Variants in LRP5 observed in about 807,000 individuals in gnomAD.
LRP5 encodes LDL receptor related protein 5, also known as low-density lipoprotein receptor-related protein 5.
In LRP5, 62 loss-of-function variants were observed where a neutral mutation model predicts 154.1. The observed-to-expected ratio is 0.40, with a 90% CI of 0.33 to 0.50. LRP5 has a LOEUF of 0.50. LRP5 is among the 20% of genes least tolerant of loss of function. LRP5 has a pLI of 0.55. For synonymous variants in LRP5, 966 were observed against 1,011.5 expected (o/e 0.96, Z 0.85); for missense variants, 1,915 against 2,336.7 (o/e 0.82, Z 3.72).
At chr11:68,427,428 C>G (rs545876765) in intron 16 of LRP5, among the ~76,000 whole-genome samples, 1 of 152,230 alleles carries the variant, frequency 6.6e-6, no homozygotes, top group African/African-American at 2.4e-5. Context: ...GCCTATAATC[C>G]CAGCACTTTG....
chr11:68,301,191 C>T, the LRP5 span, among the ~76,000 whole-genome samples: 1 of 149,480 alleles, frequency 6.7e-6, no homozygotes, highest in African/African-American at 2.4e-5. Context: ...CTTGGCCTCC[C>T]AAAATGTTGA....
At chr11:68,339,645 C>T (rs2098607771) in intron 1 of LRP5, among the ~76,000 whole-genome samples, 1 of 152,142 alleles carries the variant, frequency 6.6e-6, no homozygotes. Context: ...CATACCTGGC[C>T]ATAATATTCG....
intron 19 of LRP5, 28 bp downstream of exon 19, chr11:68,437,027 G>A: frequency 6.3e-7 from 1 of 1,592,730 alleles, no homozygotes; most frequent in South Asian, 1.1e-5. Context: ...ACGGGGAAGG[G>A]GCGTCCGGGC....
intron 1 of LRP5, among the ~76,000 whole-genome samples, chr11:68,327,658 C>A (rs546040247): frequency 6.6e-6 from 1 of 152,300 alleles, no homozygotes; most frequent in South Asian, 2.1e-4. Flanking sequence ...CCTATGAGGA[C>A]TGAGTGAAGT....
At chr11:68,309,020 G>A (rs1331600293), upstream of LRP5, among the ~76,000 whole-genome samples, 10 of 138,514 alleles carry the variant, frequency 7.2e-5, no homozygotes, top group Middle Eastern at 4.0e-3. Flanking sequence ...TGCAAGCTCC[G>A]CCTCCCAGGT....
intron 1 of LRP5, 83 bp from the exon 2 acceptor site, chr11:68,347,764 G>C: frequency 6.6e-7 from 1 of 1,510,210 alleles, no homozygotes; most frequent in Non-Finnish European, 9.1e-7. Flanking sequence ...TACCAGGAGT[G>C]CTCTGGGCAT....
At chr11:68,374,885 A>G (rs1283395415) in intron 5 of LRP5, among the ~76,000 whole-genome samples, 2 of 152,184 alleles carry the variant, frequency 1.3e-5, no homozygotes, top group Non-Finnish European at 2.9e-5. Flanking sequence ...CACAGGGGGA[A>G]TGGCATCTCT....
At chr11:68,303,782 C>G in the LRP5 span, among the ~76,000 whole-genome samples, 2 of 152,190 alleles carry the variant, frequency 1.3e-5, no homozygotes, top group South Asian at 2.1e-4. Flanking sequence ...TGTGAGCCAC[C>G]AAGCGTGGCC....
At chr11:68,374,751 A>G (rs942627705) in intron 5 of LRP5, among the ~76,000 whole-genome samples, 1 of 152,076 alleles carries the variant, frequency 6.6e-6, no homozygotes, top group African/African-American at 2.4e-5. Flanking sequence ...CCAGAACTAC[A>G]TGGAAATGGA....
chr11:68,357,549 A>G, intron 2 of LRP5, 101 bp from the exon 3 acceptor site: 1 of 1,112,902 alleles, frequency 9.0e-7, no homozygotes. Flanking sequence ...GTGAGATTTT[A>G]GGGCAAGTTC....
intron 8 of LRP5, among the ~76,000 whole-genome samples, chr11:68,404,814 C>G (rs562115045): frequency 2.6e-5 from 4 of 151,812 alleles, no homozygotes; most frequent in Non-Finnish European, 4.4e-5. Context: ...ACTAAAAATA[C>G]AAAAAATTAG....
At chr11:68,437,863 G>A (rs1288833894) in intron 19 of LRP5, among the ~76,000 whole-genome samples, 1 of 152,248 alleles carries the variant, frequency 6.6e-6, no homozygotes, top group Non-Finnish European at 1.5e-5. Flanking sequence ...GCGCAGCCAG[G>A]CCTCGCCGCC....
At position 68,439,185 on chromosome 11, in the gene LRP5, T is replaced by C. The variant is rs961689905; in HGVS notation, c.4348+503T>C. Among the ~76,000 whole-genome samples, 3 of 152,166 alleles carry C rather than the reference T, an allele frequency of 2.0e-5. No homozygotes were observed. In the East Asian group the frequency reaches 5.8e-4, roughly 29 times the overall value. ...ACCGCAGAGCTGCACCATGCTGGTT[T>C]GTATCACATGGGTGACCATGGTATG... On this transcript the variant is annotated intron_variant, in intron 20 of 22. Transcript: ENST00000294304.
intron 18 of LRP5, among the ~76,000 whole-genome samples, chr11:68,436,241 A>G (rs1311930064): frequency 6.6e-6 from 1 of 151,988 alleles, no homozygotes; most frequent in African/African-American, 2.4e-5. Context: ...CTTATCTCCC[A>G]TTCCCAGGGC....
chr11:68,433,372 C>T (rs1447614595), intron 17 of LRP5, among the ~76,000 whole-genome samples: 1 of 152,220 alleles, frequency 6.6e-6, no homozygotes, highest in Non-Finnish European at 1.5e-5. Flanking sequence ...TGCATGTCTT[C>T]TTGCAGTGAA....
chr11:68,339,169 G>A (rs1365058948), intron 1 of LRP5, among the ~76,000 whole-genome samples: 1 of 151,432 alleles, frequency 6.6e-6, no homozygotes, highest in African/African-American at 2.4e-5. Context: ...ACACCGCGTC[G>A]GGCCTTTTTT....
intron 5 of LRP5, among the ~76,000 whole-genome samples, chr11:68,376,423 A>G (rs1156911858): frequency 3.9e-5 from 6 of 151,928 alleles, no homozygotes; most frequent in Non-Finnish European, 7.4e-5. Flanking sequence ...CCATCTCGTG[A>G]TCCACCCACC....
chr11:68,376,126 C>T (rs1333785802), intron 5 of LRP5, among the ~76,000 whole-genome samples: 2 of 147,864 alleles, frequency 1.4e-5, no homozygotes, highest in African/African-American at 2.5e-5. Context: ...CCCAGGCACG[C>T]GTCCTGGGAG....
intron 4 of LRP5, 35 bp from the exon 5 acceptor site, chr11:68,365,536 T>G: frequency 1.2e-6 from 2 of 1,613,466 alleles, no homozygotes; most frequent in Non-Finnish European, 8.5e-7. Flanking sequence ...GGTCCTCTTC[T>G]GGAACCTTCT....
Sources: allele counts gnomAD v4.1 joint callset (sites outside exome capture counted in the v4.1 genomes callset), GRCh38; gene constraint gnomAD v4.1.1; transcripts MANE v1.5; gene names NCBI Gene and HGNC (gene_info 2026-07-23, HGNC 2026-07-21).